Variants in CDH13 observed in about 807,000 individuals in gnomAD.
CDH13 encodes the protein cadherin-13.
CDH13 carries 24 observed loss-of-function variants against 63.8 expected under a neutral mutation model. The observed-to-expected ratio is 0.38, with a 90% CI of 0.27 to 0.53. The LOEUF is 0.53. CDH13 is among the 20% of genes least tolerant of loss of function. The probability of loss-of-function intolerance (pLI) is 0.85; values close to 1 mark genes in which losing one functional copy is unlikely to be tolerated. For synonymous variants in CDH13, 503 were observed against 355.3 expected (o/e 1.42, Z -4.67); for missense variants, 1,049 against 903.1 (o/e 1.16, Z -2.07).
intron 6 of CDH13, among the ~76,000 whole-genome samples, chr16:83,377,331 AC>A (rs2091477999): frequency 6.6e-6 from 1 of 152,150 alleles, no homozygotes; most frequent in Non-Finnish European, 1.5e-5. Flanking sequence ...TCTGGCCCAC[AC>A]CCAGCCCCCA....
chr16:83,081,178 G>T (rs2033228018), intron 3 of CDH13, among the ~76,000 whole-genome samples: 1 of 152,216 alleles, frequency 6.6e-6, no homozygotes, highest in East Asian at 1.9e-4. Flanking sequence ...ACCGCACCTG[G>T]CAAGATAGAG....
In CDH13 at chr16:83,217,467, C is replaced by G; in HGVS notation, c.606C>G (p.Thr202=). ...ENTGSVSVTR[T]LDREVIAVYQ... is the part of the protein sequence containing the mutation. ...CAGGGAGCGTCTCCGTGACACGGACCTTGGACAGAGAAGTAATCGCTGTTT... is the reference window on the plus strand; with the variant it reads ...CAGGGAGCGTCTCCGTGACACGGACGTTGGACAGAGAAGTAATCGCTGTTT... The change falls in exon 5 of 14, where the codon ACC becomes ACG. Residue 202 remains threonine, a synonymous_variant. Transcript: ENST00000567109. 6.2e-7 allele frequency: 1 copy of G among 1,613,814 alleles called. No individual in the cohort carries two copies. The highest frequency in any genetic ancestry group is 8.5e-7 in the Non-Finnish European group (1 of 1,179,772).
intron 1 of CDH13, among the ~76,000 whole-genome samples, chr16:82,807,612 C>T (rs916484965): frequency 4.6e-5 from 7 of 152,106 alleles, no homozygotes; most frequent in African/African-American, 1.7e-4. Flanking sequence ...CATTTACACT[C>T]GCTCTTGAAA....
intron 1 of CDH13, among the ~76,000 whole-genome samples, chr16:82,805,740 T>C (rs548657356): frequency 6.6e-6 from 1 of 152,334 alleles, no homozygotes; most frequent in Admixed American, 6.5e-5. Context: ...GAAGGAATTC[T>C]TAGGAGCATC....
At chr16:83,238,624 G>A (rs1384970501) in intron 5 of CDH13, among the ~76,000 whole-genome samples, 2 of 152,174 alleles carry the variant, frequency 1.3e-5, no homozygotes, top group Non-Finnish European at 2.9e-5. Flanking sequence ...TACCTAGGTT[G>A]GTTCTGGGTA....
intron 11 of CDH13, among the ~76,000 whole-genome samples, chr16:83,774,236 T>C (rs1435174109): frequency 6.6e-6 from 1 of 152,222 alleles, no homozygotes; most frequent in Non-Finnish European, 1.5e-5. Flanking sequence ...ACTATGACTA[T>C]GCTAGCTGGA....
chr16:83,200,323 T>A (rs1281691484), intron 4 of CDH13, among the ~76,000 whole-genome samples: 2 of 152,196 alleles, frequency 1.3e-5, no homozygotes, highest in Admixed American at 1.3e-4. Flanking sequence ...ATAGCTTGCA[T>A]CGATTGGCTT....
chr16:83,023,223 C>T (rs890292292), intron 2 of CDH13: 8 of 152,254 alleles, frequency 5.3e-5, no homozygotes, highest in Middle Eastern at 3.4e-3. Flanking sequence ...AGTGGAAAAG[C>T]GCTGAAAGCA....
chr16:83,378,567 C>T (rs2091498631), intron 6 of CDH13, among the ~76,000 whole-genome samples: 1 of 152,244 alleles, frequency 6.6e-6, no homozygotes, highest in Middle Eastern at 3.4e-3. Flanking sequence ...GTACATGGCC[C>T]AGAAGCAAAT....
intron 5 of CDH13, among the ~76,000 whole-genome samples, chr16:83,340,334 G>A (rs565797375): frequency 6.5e-5 from 9 of 138,242 alleles, no homozygotes; most frequent in African/African-American, 1.1e-4. Context: ...GTGTATGTGC[G>A]CATGTGCGTG....
At chr16:83,497,024 A>G (rs1027669987) in intron 7 of CDH13, among the ~76,000 whole-genome samples, 1 of 152,232 alleles carries the variant, frequency 6.6e-6, no homozygotes, top group Admixed American at 6.5e-5. Flanking sequence ...GGTGCTGGAG[A>G]GGATGTGGAG....
At chr16:83,286,450 A>C (rs1199986025) in intron 5 of CDH13, among the ~76,000 whole-genome samples, 1 of 152,174 alleles carries the variant, frequency 6.6e-6, no homozygotes, top group East Asian at 1.9e-4. Flanking sequence ...TTTGGGTGAT[A>C]GAAGTTTCCG....
At chr16:82,859,564 G>GA (rs1199787545) in intron 2 of CDH13, 178 of 128,078 alleles carry the variant, frequency 1.4e-3, no homozygotes, top group Admixed American at 7.3e-3. Flanking sequence ...TCTCAAAAAA[G>GA]AAAAAAAAAA....
chr16:83,633,651 T>C (rs1448235117), intron 8 of CDH13, among the ~76,000 whole-genome samples: 1 of 152,214 alleles, frequency 6.6e-6, no homozygotes, highest in African/African-American at 2.4e-5. Context: ...GATTGCTCAT[T>C]GGTGGAGGCT....
intron 1 of CDH13, among the ~76,000 whole-genome samples, chr16:82,747,399 C>T (rs1344974741): frequency 1.3e-5 from 2 of 152,170 alleles, no homozygotes; most frequent in African/African-American, 4.8e-5. Flanking sequence ...CCTTTCTTCT[C>T]ATATAGTTTT....
chr16:82,691,348 C>G (rs891673501), intron 1 of CDH13, among the ~76,000 whole-genome samples: 3 of 152,182 alleles, frequency 2.0e-5, no homozygotes, highest in Non-Finnish European at 2.9e-5. Flanking sequence ...GCTTGCATAG[C>G]CTGAGCATGT....
chr16:82,706,016 C>T (rs1429193348), intron 1 of CDH13, among the ~76,000 whole-genome samples: 1 of 152,028 alleles, frequency 6.6e-6, no homozygotes, highest in African/African-American at 2.4e-5. Flanking sequence ...TCCTCTCTCC[C>T]ACCCTGTTTT....
intron 1 of CDH13, among the ~76,000 whole-genome samples, chr16:82,667,792 G>C (rs1406772709): frequency 6.6e-6 from 1 of 152,112 alleles, no homozygotes; most frequent in Non-Finnish European, 1.5e-5. Flanking sequence ...TCTATGTCCT[G>C]AGCTTTTCTG....
intron 2 of CDH13, among the ~76,000 whole-genome samples, chr16:83,001,299 G>A (rs1912903749): frequency 6.6e-6 from 1 of 152,168 alleles, no homozygotes; most frequent in African/African-American, 2.4e-5. Context: ...GCCTTCTATT[G>A]GAGCTGCTTA....
Sources: allele counts gnomAD v4.1 joint callset (sites outside exome capture counted in the v4.1 genomes callset), GRCh38; gene constraint gnomAD v4.1.1; transcripts MANE v1.5; gene names NCBI Gene and HGNC (gene_info 2026-07-23, HGNC 2026-07-21).